Variants in WWC2 observed in about 807,000 individuals in gnomAD.
WWC2 encodes protein WWC2.
WWC2 carries 101 observed loss-of-function variants against 138.5 expected under a neutral mutation model. The ratio of observed to expected loss-of-function variants is 0.73; its 90% CI spans 0.62 to 0.86. The LOEUF (loss-of-function observed/expected upper bound fraction) is 0.86, where lower values mean the gene tolerates loss of function less well. Ranked by LOEUF, WWC2 falls within the 40% of genes least tolerant of loss-of-function variation. The pLI, the probability that WWC2 is intolerant of heterozygous loss-of-function variation, is 0.00. For missense variants in WWC2, 1,420 were observed against 1,419.4 expected (o/e 1.00, Z -0.01); for synonymous variants, 558 against 538.4 (o/e 1.04, Z -0.50).
Position 183,246,029 on chromosome 4 carries a change from G to A in WWC2, c.732+484G>A, listed in dbSNP as rs1736769843. Reference sequence around the variant, plus strand: ...GGGGTGCCAGCTAAGGGTGGGGCGGGGAGTGCTGACCCAGCTGGGGGATGC... The same window carrying A: ...GGGGTGCCAGCTAAGGGTGGGGCGGAGAGTGCTGACCCAGCTGGGGGATGC... On this transcript the variant is annotated intron_variant, in intron 6 of 22. Coordinates refer to ENST00000403733, the MANE Select transcript of WWC2 (RefSeq NM_024949.6). Among the ~76,000 whole-genome samples, 3 of 152,244 alleles carry A rather than the reference G, an allele frequency of 2.0e-5. No individual in the cohort carries two copies. The South Asian group carries it at 6.2e-4, about 32-fold the overall frequency.
rs141807678 is a variant in WWC2, at chr4:183,158,253, A to G, written c.132-35346A>G. 5.5e-4 allele frequency among the ~76,000 whole-genome samples: 83 copies of G among 152,154 alleles called. 1 individual carries two copies. The East Asian group carries it at 0.01, about 18-fold the overall frequency. ...TATGCAAAATTGCACAATAAAAACCACAGCGCTTGTGGAAAAAATGAGGTT... is the reference window on the plus strand; with the variant it reads ...TATGCAAAATTGCACAATAAAAACCGCAGCGCTTGTGGAAAAAATGAGGTT... On this transcript the variant is annotated intron_variant, in intron 1 of 22. Coordinates refer to ENST00000403733, the MANE Select transcript of WWC2 (RefSeq NM_024949.6).
intron 1 of WWC2, among the ~76,000 whole-genome samples, chr4:183,124,721 C>CG (rs1732708998): frequency 1.3e-5 from 2 of 151,948 alleles, no homozygotes. Context: ...TCCCGAGTAG[C>CG]TGAGATTACA....
chr4:183,232,950 A>G (rs1736297294), intron 4 of WWC2, among the ~76,000 whole-genome samples: 1 of 151,682 alleles, frequency 6.6e-6, no homozygotes, highest in Admixed American at 6.6e-5. Flanking sequence ...GTCCAGCCGT[A>G]TTTTATTTAT....
chr4:183,155,306 GGGTCAGC>G (rs1224852855), intron 1 of WWC2, among the ~76,000 whole-genome samples: 7 of 151,928 alleles, frequency 4.6e-5, no homozygotes, highest in Non-Finnish European at 8.8e-5. Context: ...AAAGTGCTAG[GGGTCAGC>G]GGAGACATAG....
Position 183,254,013 on chromosome 4 carries a change from CTG to C in WWC2, c.1196+15_1196+16del. The C allele has an allele frequency of 6.2e-7, 1 of 1,609,598 alleles. No homozygotes were observed. ...TCTGGCCGAGAGGTTTGTTTTCCTT[CTG>C]GAAATAGGGCAGCTTAACTCTTGTG... On this transcript the variant is annotated intron_variant, in intron 9 of 22. Transcript: ENST00000403733.
chr4:183,296,049 C>T lies in WWC2; in HGVS notation c.3384+6414C>T, dbSNP rs142835512. On this transcript the variant is annotated intron_variant, in intron 21 of 22. Coordinates refer to ENST00000403733, the MANE Select transcript of WWC2 (RefSeq NM_024949.6). ...TTTAATTATTCCTATTGCAGGGCAC[C>T]GCCTAAAAATGATGCTGGCTAACAT... is the stretch of plus-strand genomic sequence containing the variant. Among the ~76,000 whole-genome samples the T allele has an allele frequency of 4.1e-3, 620 of 152,248 alleles. 3 individuals are homozygous for T. Among genetic ancestry groups the T allele is most frequent in the African/African-American group, 0.014 (592 of 41,528 alleles).
intron 1 of WWC2, among the ~76,000 whole-genome samples, chr4:183,147,748 A>G (rs1460818480): frequency 6.6e-6 from 1 of 152,252 alleles, no homozygotes; most frequent in Admixed American, 6.5e-5. Flanking sequence ...TGTTAAAACA[A>G]AGGATTGTCT....
At chr4:183,223,116 A>C (rs569467177) in intron 4 of WWC2, among the ~76,000 whole-genome samples, 2 of 152,226 alleles carry the variant, frequency 1.3e-5, no homozygotes, top group African/African-American at 4.8e-5. Flanking sequence ...TAGATACACA[A>C]ATGCTTACAA....
intron 16 of WWC2, 35 bp downstream of exon 16, chr4:183,271,276 G>A: frequency 1.3e-6 from 2 of 1,551,962 alleles, no homozygotes; most frequent in South Asian, 1.2e-5. Flanking sequence ...TGAAAGTAAT[G>A]TGAAATACAT....
chr4:183,148,100 A>T (rs1326076329), intron 1 of WWC2, among the ~76,000 whole-genome samples: 1 of 152,224 alleles, frequency 6.6e-6, no homozygotes, highest in East Asian at 1.9e-4. Flanking sequence ...AGTACAAAAG[A>T]TACATGTAGC....
chr4:183,163,692 C>T (rs1734027012), intron 1 of WWC2, among the ~76,000 whole-genome samples: 1 of 152,032 alleles, frequency 6.6e-6, no homozygotes, highest in Non-Finnish European at 1.5e-5. Flanking sequence ...TTTGGAAGTA[C>T]CCTTTGTCTT....
chr4:183,292,991 T>C (rs1233168100), intron 21 of WWC2, among the ~76,000 whole-genome samples: 2 of 152,258 alleles, frequency 1.3e-5, no homozygotes, highest in African/African-American at 4.8e-5. Flanking sequence ...TCTTTCGCTC[T>C]GTTACCCAGG....
intron 1 of WWC2, among the ~76,000 whole-genome samples, chr4:183,132,167 C>T (rs969962537): frequency 2.0e-5 from 3 of 152,144 alleles, no homozygotes; most frequent in Non-Finnish European, 1.5e-5. Flanking sequence ...ACAGTGATAT[C>T]ATTTACAAAT....
intron 4 of WWC2, among the ~76,000 whole-genome samples, chr4:183,222,531 TAAATG>T (rs1560851201): frequency 6.6e-6 from 1 of 152,042 alleles, no homozygotes; most frequent in African/African-American, 2.4e-5. Context: ...CAAATTTTAA[TAAATG>T]AAAGATATTT....
At chr4:183,243,957 CTT>C (rs1422399671) in intron 5 of WWC2, among the ~76,000 whole-genome samples, 1 of 152,038 alleles carries the variant, frequency 6.6e-6, no homozygotes, top group East Asian at 1.9e-4. Flanking sequence ...ATAAACCGCT[CTT>C]GTTTGAGTGG....
intron 14 of WWC2, among the ~76,000 whole-genome samples, chr4:183,267,616 C>G (rs572046510): frequency 6.6e-6 from 1 of 152,200 alleles, no homozygotes; most frequent in Non-Finnish European, 1.5e-5. Context: ...TGCTCTACTT[C>G]AACTAAACCA....
In WWC2 at chr4:183,282,748, GA is replaced by G; in HGVS notation, c.2730del (p.Glu911ArgfsTer16). The G allele has an allele frequency of 1.9e-6, 3 of 1,578,298 alleles. No homozygotes were observed. Among genetic ancestry groups the G allele is most frequent in the East Asian group, 2.3e-5 (1 of 43,344 alleles). On this transcript the variant is annotated frameshift_variant, in exon 18 of 23. Coordinates refer to ENST00000403733, the MANE Select transcript of WWC2 (RefSeq NM_024949.6). LOFTEE classifies it high-confidence loss of function. ...AGAGGCCTCTGATGAAATTGTGGCTGAAAAAGAGGCTGAAGTTAAATTGCCA... is the reference window on the plus strand; with the variant it reads ...AGAGGCCTCTGATGAAATTGTGGCTGAAAAGAGGCTGAAGTTAAATTGCCA... ...LREASDEIVA[E>X]KEAEVKLPED...
At chr4:183,294,203 G>A (rs1738557838) in intron 21 of WWC2, among the ~76,000 whole-genome samples, 1 of 152,098 alleles carries the variant, frequency 6.6e-6, no homozygotes, top group Admixed American at 6.5e-5. Flanking sequence ...TGATACAGAG[G>A]AAGAATTAAT....
Position 183,248,722 on chromosome 4 carries a change from T to C in WWC2, c.741T>C (p.Ala247=), listed in dbSNP as rs1736877115. The change falls in exon 7 of 23, where the codon GCT becomes GCC. Residue 247 remains alanine (A), a synonymous_variant. Coordinates refer to ENST00000403733, the MANE Select transcript of WWC2 (RefSeq NM_024949.6). ...KEKQDLMQSL[A]KLQERFHLDQ... ...TTGTGTTTTCTGAACAGAGTCTTGCTAAGCTGCAGGAGCGGTTTCATTTGG... is the reference window on the plus strand; with the variant it reads ...TTGTGTTTTCTGAACAGAGTCTTGCCAAGCTGCAGGAGCGGTTTCATTTGG... 6.3e-7 allele frequency: 1 copy of C among 1,597,876 alleles called. No individual in the cohort carries two copies. The highest frequency in any genetic ancestry group is 8.5e-7 in the Non-Finnish European group (1 of 1,170,864).
Sources: gnomAD v4.1 joint callset for allele counts (sites outside exome capture counted in the v4.1 genomes callset) on GRCh38, gnomAD v4.1.1 for gene constraint, MANE v1.5 for transcripts, NCBI Gene and HGNC (gene_info 2026-07-23, HGNC 2026-07-21) for gene names.